LRP1B: variants seen among roughly 807,000 people sequenced by gnomAD.
LRP1B encodes the protein LDL receptor related protein 1B, also known as low-density lipoprotein receptor-related protein 1B.
LRP1B carries 217 observed loss-of-function variants against 556.6 expected under a neutral mutation model. The ratio of observed to expected loss-of-function variants is 0.39; its 90% confidence interval spans 0.35 to 0.44. The LOEUF (loss-of-function observed/expected upper bound fraction) is 0.44, where lower values mean the gene tolerates loss of function less well. LRP1B is among the 20% of genes least tolerant of loss of function. LRP1B has a pLI of 1.00. For missense variants in LRP1B, 5,053 were observed against 5,620.8 expected (o/e 0.90, Z 3.23); for synonymous variants, 2,047 against 1,865.8 (o/e 1.10, Z -2.50).
chr2:141,475,376 A>T (rs1014225161), intron 3 of LRP1B, among the ~76,000 whole-genome samples: 2 of 152,142 alleles, frequency 1.3e-5, no homozygotes, highest in African/African-American at 4.8e-5. Context: ...AAATAAATAA[A>T]TAACTTACCA....
At chr2:141,800,432 TC>T (rs1305217422) in intron 2 of LRP1B, among the ~76,000 whole-genome samples, 2 of 152,198 alleles carry the variant, frequency 1.3e-5, no homozygotes, top group African/African-American at 4.8e-5. Flanking sequence ...GCCACAAATC[TC>T]CTATTGCATC....
At chr2:141,220,700 A>C (rs994604025) in intron 6 of LRP1B, among the ~76,000 whole-genome samples, 6 of 151,470 alleles carry the variant, frequency 4.0e-5, no homozygotes, top group Non-Finnish European at 7.4e-5. Context: ...AGCCCATCGG[A>C]TTAACAGCAG....
intron 66 of LRP1B, among the ~76,000 whole-genome samples, chr2:140,410,530 A>G (rs1684929258): frequency 6.7e-6 from 1 of 148,500 alleles, no homozygotes; most frequent in Non-Finnish European, 1.5e-5. Flanking sequence ...TCAGAGAGAC[A>G]GCACGCTATG....
chr2:140,294,444 G>T (rs911362877), intron 84 of LRP1B, among the ~76,000 whole-genome samples: 3 of 152,130 alleles, frequency 2.0e-5, no homozygotes, highest in Non-Finnish European at 4.4e-5. Context: ...GTCTCAAAAA[G>T]ATCCCAGACA....
chr2:141,764,499 A>G (rs1012994994), intron 2 of LRP1B, among the ~76,000 whole-genome samples: 2 of 152,100 alleles, frequency 1.3e-5, no homozygotes, highest in South Asian at 4.1e-4. Flanking sequence ...GTGTCTTTTT[A>G]AGAAGAGGAA....
chr2:140,338,075 A>T (rs1289648394), intron 77 of LRP1B, among the ~76,000 whole-genome samples: 1 of 151,742 alleles, frequency 6.6e-6, no homozygotes, highest in Non-Finnish European at 1.5e-5. Flanking sequence ...AACGAAAAAA[A>T]AAACTTACTT....
intron 3 of LRP1B, among the ~76,000 whole-genome samples, chr2:141,326,635 C>G (rs981929834): frequency 2.0e-5 from 3 of 152,056 alleles, no homozygotes; most frequent in African/African-American, 7.2e-5. Context: ...TTGTGGGTTG[C>G]TACAATGGGC....
At chr2:141,675,895 T>G (rs1034637955) in intron 2 of LRP1B, among the ~76,000 whole-genome samples, 4 of 151,958 alleles carry the variant, frequency 2.6e-5, no homozygotes, top group African/African-American at 9.7e-5. Context: ...AATTTTTTAT[T>G]TTAGTTTTGA....
intron 23 of LRP1B, among the ~76,000 whole-genome samples, chr2:140,887,501 A>G (rs1693671610): frequency 6.6e-6 from 1 of 152,302 alleles, no homozygotes; most frequent in African/African-American, 2.4e-5. Context: ...TACCATAGAC[A>G]AAAACTAACT....
chr2:140,492,783 T>C, intron 56 of LRP1B, 90 bp from the exon 57 acceptor site: 1 of 905,004 alleles, frequency 1.1e-6, no homozygotes, highest in Non-Finnish European at 1.8e-6. Flanking sequence ...AGCAATGTGA[T>C]TTCAAATGCA....
intron 29 of LRP1B, among the ~76,000 whole-genome samples, chr2:140,848,518 G>A (rs1055644924): frequency 3.3e-5 from 5 of 151,680 alleles, no homozygotes; most frequent in Admixed American, 1.3e-4. Flanking sequence ...TTCTAGTATT[G>A]AAAAGGATAG....
intron 5 of LRP1B, among the ~76,000 whole-genome samples, chr2:141,239,572 G>C (rs1683785992): frequency 6.6e-6 from 1 of 152,084 alleles, no homozygotes; most frequent in Admixed American, 6.6e-5. Flanking sequence ...TCGAACAGGT[G>C]AGAGAAGATA....
chr2:141,545,341 G>T (rs1025221248), intron 2 of LRP1B, among the ~76,000 whole-genome samples: 1 of 152,240 alleles, frequency 6.6e-6, no homozygotes, highest in East Asian at 1.9e-4. Flanking sequence ...TATTAGGCTT[G>T]TCTACTTCCT....
intron 57 of LRP1B, among the ~76,000 whole-genome samples, chr2:140,489,463 T>A (rs1351665542): frequency 6.6e-6 from 1 of 152,058 alleles, no homozygotes; most frequent in Non-Finnish European, 1.5e-5. Context: ...AGTCACAGAT[T>A]CAAAAGATTC....
chr2:140,496,059 C>T (rs1558922652), intron 55 of LRP1B, among the ~76,000 whole-genome samples: 1 of 152,020 alleles, frequency 6.6e-6, no homozygotes, highest in Non-Finnish European at 1.5e-5. Flanking sequence ...TACTTCTTTT[C>T]TTATTTTTCT....
chr2:141,741,552 T>C (rs1301672828), intron 2 of LRP1B, among the ~76,000 whole-genome samples: 1 of 152,166 alleles, frequency 6.6e-6, no homozygotes, highest in Non-Finnish European at 1.5e-5. Flanking sequence ...ATCAGTGGTA[T>C]TGAGCACCTT....
intron 3 of LRP1B, among the ~76,000 whole-genome samples, chr2:141,331,514 C>CTTTTT (rs1224196914): frequency 1.6e-5 from 1 of 63,080 alleles, no homozygotes; most frequent in African/African-American, 8.4e-5. Context: ...TTCTTTCTTT[C>CTTTTT]TTTCTTTCTC....
rs564103942 is a variant in LRP1B at position 140,270,792 on chromosome 2, A to C, written c.13143-446T>G. On this transcript the variant is annotated intron_variant, in intron 85 of 90. Coordinates refer to ENST00000389484, the MANE Select transcript of LRP1B (RefSeq NM_018557.3). ...CTAAAGTGGAAAATCTGTTTCAAAG[A>C]ATGCTAAGACTTTTAGACCCCACAT... 2.0e-5 allele frequency among the ~76,000 whole-genome samples: 3 copies of C among 152,080 alleles called. No homozygotes were observed. The South Asian group carries it at 6.2e-4, about 32-fold the overall frequency.
chr2:141,768,846 G>A (rs1214856562), intron 2 of LRP1B, among the ~76,000 whole-genome samples: 5 of 151,260 alleles, frequency 3.3e-5, no homozygotes, highest in Non-Finnish European at 7.4e-5. Flanking sequence ...GGTTATAGTA[G>A]GTATCACTGT....
Sources: allele counts gnomAD v4.1 joint callset (sites outside exome capture counted in the v4.1 genomes callset), GRCh38; gene constraint gnomAD v4.1.1; transcripts MANE v1.5; gene names NCBI Gene and HGNC (gene_info 2026-07-23, HGNC 2026-07-21).